The following AKAP13 variants were observed in gnomAD, a reference collection of about 807,000 sequenced individuals.
The protein encoded by AKAP13 is A-kinase anchor protein 13.
A neutral mutation model predicts 264.5 loss-of-function variants in AKAP13; 80 were observed. The observed-to-expected ratio is 0.30, with a 90% confidence interval of 0.25 to 0.36. The LOEUF is 0.36. AKAP13 is among the 10% of genes least tolerant of loss of function. The pLI is 1.00. For missense variants in AKAP13, 3,712 were observed against 3,435.2 expected (o/e 1.08, Z -2.01); for synonymous variants, 1,380 against 1,250.2 (o/e 1.10, Z -2.19).
intron 5 of AKAP13, among the ~76,000 whole-genome samples, chr15:85,571,080 G>T (rs2078802729): frequency 6.6e-6 from 1 of 152,134 alleles, no homozygotes. Flanking sequence ...GGCATTAGAG[G>T]AAATTATATA....
Position 85,655,510 on chromosome 15 carries a change from G to C in AKAP13, c.4468G>C (p.Asp1490His), listed in dbSNP as rs34045944. ...GGACCGACATTCTTCTCATGGCAGT[G>C]ATGTGTCTCTCTCCCAGATTTTAAA... ...SLDRHSSHGS[D>H]VSLSQILKPN... is the part of the protein sequence containing the mutation. The change falls in exon 11 of 37, where the codon GAT becomes CAT. Residue 1490 changes from aspartate (D) to histidine (H), a missense_variant. Coordinates refer to ENST00000394518, the MANE Select transcript of AKAP13 (RefSeq NM_007200.5). 5.6e-6 allele frequency: 9 copies of C among 1,614,230 alleles called. No individual in the cohort carries two copies. Among genetic ancestry groups the C allele is most frequent in the Non-Finnish European group, 6.8e-6 (8 of 1,180,042 alleles).
chr15:85,635,251 C>G, intron 8 of AKAP13: 1 of 396,000 alleles, frequency 2.5e-6, no homozygotes, highest in Non-Finnish European at 4.4e-6. Context: ...CAAATTTTGA[C>G]TCTTGTAATG....
Position 85,540,165 on chromosome 15 carries a change from A to G in AKAP13, c.479-3607A>G, listed in dbSNP as rs572864382. ...GGAGGGAAGATCATGGGCAAAAGTCAGTCCACCAACATGGGCCAAAATATC... is the reference window on the plus strand; with the variant it reads ...GGAGGGAAGATCATGGGCAAAAGTCGGTCCACCAACATGGGCCAAAATATC... On this transcript the variant is annotated intron_variant, in intron 4 of 36. Transcript: ENST00000394518. 2.6e-5 allele frequency among the ~76,000 whole-genome samples: 4 copies of G among 152,286 alleles called. No individual in the cohort carries two copies. In the South Asian group the frequency reaches 8.3e-4, roughly 32 times the overall value.
chr15:85,734,527 G>T (rs374798634), intron 30 of AKAP13, among the ~76,000 whole-genome samples: 106 of 151,776 alleles, frequency 7.0e-4, no homozygotes, highest in Non-Finnish European at 1.4e-3. Flanking sequence ...CTTTCTGTGA[G>T]CCATACCCTA....
At chr15:85,534,920 A>C (rs1234582712) in intron 4 of AKAP13, 1 of 152,180 alleles carries the variant, frequency 6.6e-6, no homozygotes, top group African/African-American at 2.4e-5. Context: ...TCTGAGTTCA[A>C]GTCCAATTGA....
At chr15:85,549,363 G>A (rs74025610) in intron 5 of AKAP13, among the ~76,000 whole-genome samples, 3,720 of 152,172 alleles carry the variant, frequency 0.024, 129 homozygotes, top group African/African-American at 0.082. Context: ...TGGAGTGGTG[G>A]CATACAAGTG....
intron 9 of AKAP13, among the ~76,000 whole-genome samples, chr15:85,641,629 G>A (rs897679028): frequency 2.0e-5 from 3 of 151,234 alleles, no homozygotes; most frequent in African/African-American, 7.3e-5. Flanking sequence ...GGGACTACAG[G>A]TGCCTGCCAC....
rs1407322911 is a variant in AKAP13 at position 85,730,727 on chromosome 15, GCCCCCTC to G, written c.7282+21_7282+27del. On this transcript the variant is annotated intron_variant, in intron 30 of 36. Coordinates refer to ENST00000394518, the MANE Select transcript of AKAP13 (RefSeq NM_007200.5). ...ATGAGGGTAATTAACATTCAGCATT[GCCCCCTC>G]TTCATCTACTCCCAGAGTGGTTTAC... The G allele has an allele frequency of 6.3e-7, 1 of 1,595,462 alleles. No individual in the cohort carries two copies. Among genetic ancestry groups the G allele is most frequent in the Admixed American group, 1.7e-5 (1 of 59,462 alleles).
chr15:85,637,887 T>C (rs2082134112), intron 8 of AKAP13, among the ~76,000 whole-genome samples: 1 of 93,030 alleles, frequency 1.1e-5, no homozygotes, highest in Middle Eastern at 0.01. Flanking sequence ...TTTAGAAGTT[T>C]TTTTTTTTTT....
intron 5 of AKAP13, among the ~76,000 whole-genome samples, chr15:85,558,130 A>C (rs921994867): frequency 6.6e-6 from 1 of 152,218 alleles, no homozygotes; most frequent in Non-Finnish European, 1.5e-5. Flanking sequence ...AAGTTAAAAA[A>C]AATCTGATCG....
intron 3 of AKAP13, among the ~76,000 whole-genome samples, chr15:85,530,969 G>C (rs1188516115): frequency 1.3e-5 from 2 of 152,158 alleles, no homozygotes. Context: ...CTGCCTCCCA[G>C]GTTCAAGTGA....
intron 2 of AKAP13, among the ~76,000 whole-genome samples, chr15:85,514,022 TTTTC>T (rs1567097993): frequency 7.2e-6 from 1 of 138,262 alleles, no homozygotes; most frequent in Non-Finnish European, 1.5e-5. Flanking sequence ...TCTCCTTTTT[TTTTC>T]TTTCTTATAA....
At chr15:85,691,716 G>A (rs1308106388) in intron 16 of AKAP13, 4 of 442,274 alleles carry the variant, frequency 9.0e-6, no homozygotes, top group African/African-American at 8.0e-5. Flanking sequence ...CCTGTGCTTT[G>A]TACCTAGCCC....
intron 12 of AKAP13, 105 bp from the exon 13 acceptor site, chr15:85,664,458 G>T: frequency 8.5e-7 from 1 of 1,178,460 alleles, no homozygotes; most frequent in South Asian, 1.7e-5. Context: ...AGCTGACATA[G>T]AAATAATACA....
At chr15:85,711,339 A>G in intron 19 of AKAP13, among the ~76,000 whole-genome samples, 1 of 152,236 alleles carries the variant, frequency 6.6e-6, no homozygotes, top group East Asian at 1.9e-4. Context: ...GGTTTTACTG[A>G]TACTTTTCCC....
At chr15:85,440,790 T>G (rs1305170343) in intron 1 of AKAP13, among the ~76,000 whole-genome samples, 1 of 152,188 alleles carries the variant, frequency 6.6e-6, no homozygotes, top group Non-Finnish European at 1.5e-5. Flanking sequence ...TTCTGCCTCT[T>G]TTTTCTCACC....
intron 8 of AKAP13, among the ~76,000 whole-genome samples, chr15:85,616,424 T>C (rs1431555219): frequency 6.6e-6 from 1 of 152,236 alleles, no homozygotes; most frequent in Non-Finnish European, 1.5e-5. Context: ...TTCTGGAATC[T>C]TTAATAATTG....
chr15:85,707,020 T>G (rs376900532), intron 17 of AKAP13, among the ~76,000 whole-genome samples: 19 of 152,318 alleles, frequency 1.2e-4, no homozygotes, highest in African/African-American at 4.6e-4. Context: ...GGCCCTTAAC[T>G]GGTGAGTTGA....
At chr15:85,586,494 G>A (rs890780085) in intron 8 of AKAP13, among the ~76,000 whole-genome samples, 1 of 152,084 alleles carries the variant, frequency 6.6e-6, no homozygotes, top group Non-Finnish European at 1.5e-5. Flanking sequence ...GTGAGTCATG[G>A]CACTCGGCCT....
Sources: gnomAD v4.1 joint callset for allele counts (sites outside exome capture counted in the v4.1 genomes callset) on GRCh38, gnomAD v4.1.1 for gene constraint, MANE v1.5 for transcripts, NCBI Gene and HGNC (gene_info 2026-07-23, HGNC 2026-07-21) for gene names.